Variants in KCNH7 observed in about 807,000 individuals in gnomAD.
KCNH7 encodes the protein voltage-gated inwardly rectifying potassium channel KCNH7.
KCNH7 carries 49 observed loss-of-function variants against 120.8 expected under a neutral mutation model. The observed-to-expected ratio is 0.41, with a 90% CI of 0.32 to 0.51. The LOEUF is 0.51. Ranked by LOEUF, KCNH7 falls within the 20% of genes least tolerant of loss-of-function variation. The pLI, the probability that KCNH7 is intolerant of heterozygous loss-of-function variation, is 0.38. For synonymous variants in KCNH7, 547 were observed against 516.1 expected, an observed-to-expected ratio of 1.06 and a Z score of -0.81; for missense variants, 1,097 against 1,446.6, an observed-to-expected ratio of 0.76 and a Z score of 3.92.
intron 2 of KCNH7, among the ~76,000 whole-genome samples, chr2:162,670,747 T>C (rs539480565): frequency 5.3e-5 from 8 of 150,170 alleles, no homozygotes; most frequent in African/African-American, 1.7e-4. Context: ...AAAACCCTAA[T>C]TTAAAAAACA....
At chr2:162,520,914 C>A (rs1024037258) in intron 3 of KCNH7, among the ~76,000 whole-genome samples, 1 of 151,876 alleles carries the variant, frequency 6.6e-6, no homozygotes, top group Non-Finnish European at 1.5e-5. Flanking sequence ...GTTCTTTGCT[C>A]TCTAGAATCC....
At chr2:162,686,003 C>T (rs1424785540) in intron 2 of KCNH7, among the ~76,000 whole-genome samples, 1 of 151,900 alleles carries the variant, frequency 6.6e-6, no homozygotes, top group African/African-American at 2.4e-5. Flanking sequence ...ACTGTCCGGA[C>T]CATAAGATAG....
chr2:162,593,150 A>C (rs1694266844), intron 2 of KCNH7, among the ~76,000 whole-genome samples: 1 of 152,108 alleles, frequency 6.6e-6, no homozygotes, highest in Non-Finnish European at 1.5e-5. Context: ...TATTAATAAC[A>C]TTCTTAGTTC....
chr2:162,825,843 T>C (rs2105604061), intron 2 of KCNH7, among the ~76,000 whole-genome samples: 1 of 152,256 alleles, frequency 6.6e-6, no homozygotes. Context: ...CCTGGTCTTG[T>C]TAAAAACATG....
intron 7 of KCNH7, 41 bp downstream of exon 7, chr2:162,445,977 T>C: frequency 1.4e-6 from 2 of 1,452,872 alleles, no homozygotes. Flanking sequence ...ACTTTTATAA[T>C]TGCAATCTTT....
intron 2 of KCNH7, among the ~76,000 whole-genome samples, chr2:162,633,947 A>C (rs1460953272): frequency 6.6e-6 from 1 of 152,048 alleles, no homozygotes; most frequent in Non-Finnish European, 1.5e-5. Context: ...CTTTGTACAT[A>C]TTGAATAACT....
chr2:162,675,464 A>G (rs1000192914), intron 2 of KCNH7, among the ~76,000 whole-genome samples: 1 of 151,588 alleles, frequency 6.6e-6, no homozygotes. Flanking sequence ...AAAGAAAACT[A>G]GAAACAATAA....
intron 2 of KCNH7, among the ~76,000 whole-genome samples, chr2:162,764,140 G>A (rs1191822563): frequency 3.3e-5 from 5 of 152,014 alleles, no homozygotes; most frequent in African/African-American, 1.2e-4. Context: ...TACTGCAACT[G>A]TACGATTCCT....
At chr2:162,648,171 ACT>A (rs1173127212) in intron 2 of KCNH7, among the ~76,000 whole-genome samples, 2 of 152,152 alleles carry the variant, frequency 1.3e-5, no homozygotes. Context: ...GGTTTAACTG[ACT>A]CACAGTTCTG....
At chr2:162,440,296 T>C (rs539110022) in intron 7 of KCNH7, among the ~76,000 whole-genome samples, 2 of 152,002 alleles carry the variant, frequency 1.3e-5, no homozygotes, top group Non-Finnish European at 2.9e-5. Context: ...GTTGATAGAA[T>C]GAATGATCAC....
At chr2:162,634,920 C>A (rs1167468656) in intron 2 of KCNH7, among the ~76,000 whole-genome samples, 1 of 152,006 alleles carries the variant, frequency 6.6e-6, no homozygotes, top group Admixed American at 6.6e-5. Context: ...ACCTTCCGTT[C>A]TCTTTATTCT....
intron 7 of KCNH7, among the ~76,000 whole-genome samples, chr2:162,440,623 G>C (rs1437179514): frequency 6.6e-6 from 1 of 151,870 alleles, no homozygotes; most frequent in Non-Finnish European, 1.5e-5. Context: ...CTAAAATCTT[G>C]GGGAATTACC....
In KCNH7 at chr2:162,559,584, A is replaced by C. The variant is rs1267766395; in HGVS notation, c.308-22504T>G. Among the ~76,000 whole-genome samples, 5 of 152,212 alleles carry C rather than the reference A, an allele frequency of 3.3e-5. No homozygotes were observed. The South Asian group carries it at 1.0e-3, about 32-fold the overall frequency. On this transcript the variant is annotated intron_variant, in intron 2 of 15. Transcript: ENST00000332142. ...CAAACAAGACACCCATGATCATTTT[A>C]TATTATCTCCAAGTTCCCTAATTGG...
rs747854514 is a variant in KCNH7, at chr2:162,380,025, T to C, written c.2963-4A>G. The C allele has an allele frequency of 1.2e-6, 2 of 1,613,554 alleles. No homozygotes were observed. Among genetic ancestry groups the C allele is most frequent in the South Asian group, 1.1e-5 (1 of 91,072 alleles). On this transcript the variant is annotated splice_polypyrimidine_tract_variant and splice_region_variant and intron_variant, in intron 13 of 15. Transcript: ENST00000332142. ...CAGCTTCGCATGTCAGTGATATCTG[T>C]GGAAAATAGCAAGATGGATGTCAAC...
At chr2:162,586,846 T>A (rs1177028859) in intron 2 of KCNH7, among the ~76,000 whole-genome samples, 1 of 152,062 alleles carries the variant, frequency 6.6e-6, no homozygotes, top group Non-Finnish European at 1.5e-5. Flanking sequence ...ATAAGAAATA[T>A]TTATGTCAAC....
At chr2:162,560,910 C>T (rs1173480084) in intron 2 of KCNH7, among the ~76,000 whole-genome samples, 1 of 152,174 alleles carries the variant, frequency 6.6e-6, no homozygotes, top group East Asian at 1.9e-4. Context: ...ATAATTCACT[C>T]TTCTTGAAAT....
intron 14 of KCNH7, among the ~76,000 whole-genome samples, chr2:162,377,205 T>TTGTTAAAAACCGCAG (rs1226998469): frequency 6.6e-6 from 1 of 152,062 alleles, no homozygotes; most frequent in Non-Finnish European, 1.5e-5. Context: ...AGGTGAAAGG[T>TTGTTAAAAACCGCAG]TGTTAAAAAC....
At chr2:162,537,135 C>A in intron 2 of KCNH7, 55 bp from the exon 3 acceptor site, 13 of 1,355,288 alleles carry the variant, frequency 9.6e-6, no homozygotes, top group African/African-American at 1.4e-5. Flanking sequence ...TCTGAACTAT[C>A]AAGTAACATT....
chr2:162,525,119 G>A (rs1439032813), intron 3 of KCNH7, among the ~76,000 whole-genome samples: 8 of 151,874 alleles, frequency 5.3e-5, no homozygotes, highest in Admixed American at 2.6e-4. Context: ...AGATCCGATC[G>A]GTAATGCCAT....
Sources: gnomAD v4.1 joint callset for allele counts (sites outside exome capture counted in the v4.1 genomes callset) on GRCh38, gnomAD v4.1.1 for gene constraint, MANE v1.5 for transcripts, NCBI Gene and HGNC (gene_info 2026-07-23, HGNC 2026-07-21) for gene names.